Variants in CAMKK2 observed in about 807,000 individuals in gnomAD.
CAMKK2 encodes calcium/calmodulin-dependent protein kinase kinase 2.
CAMKK2 carries 30 observed loss-of-function variants against 67.2 expected under a neutral mutation model. That is an observed-to-expected ratio of 0.45 (90% CI 0.33 to 0.61). CAMKK2 has a LOEUF of 0.61. CAMKK2 is among the 20% of genes least tolerant of loss of function. The pLI is 0.02. For missense variants in CAMKK2, 643 were observed against 802.0 expected, an observed-to-expected ratio of 0.80 and a Z score of 2.39; for synonymous variants, 322 against 326.2, an observed-to-expected ratio of 0.99 and a Z score of 0.14.
In CAMKK2 at chr12:121,260,256, A is replaced by G. The variant is rs1034632067; in HGVS notation, c.796+63T>C. Reference sequence around the variant, plus strand: ...CCAGGGCACAGGCTGCCTCGAGAGGACCCCTGGGCATTGGCAGGTGTGGTG... The same window carrying G: ...CCAGGGCACAGGCTGCCTCGAGAGGGCCCCTGGGCATTGGCAGGTGTGGTG... On this transcript the variant is annotated intron_variant, in intron 7 of 16. Transcript: ENST00000404169. The G allele has an allele frequency of 5.0e-6, 7 of 1,399,296 alleles. No individual in the cohort carries two copies. The Admixed American group carries it at 1.6e-4, about 32-fold the overall frequency. 86.7% of individuals were successfully genotyped at this position (1,399,296 alleles called of 1,614,324 possible).
At chr12:121,273,652 G>A (rs1380089574) in intron 2 of CAMKK2, among the ~76,000 whole-genome samples, 1 of 152,130 alleles carries the variant, frequency 6.6e-6, no homozygotes, top group East Asian at 1.9e-4. Context: ...CAACTGCTCT[G>A]TCCACACCCA....
rs1029919372 is a variant in CAMKK2 at position 121,238,710 on chromosome 12, A to G, written c.*1989T>C. 2.0e-5 allele frequency: 3 copies of G among 152,492 alleles called. No individual in the cohort carries two copies. The highest frequency in any genetic ancestry group is 4.8e-5 in the African/African-American group (2 of 41,436). The allele number at this position is 152,492 out of a possible 1,614,324, so 9.4% of individuals were successfully genotyped here. A position where few individuals can be genotyped will look rare whatever the true frequency, so the allele number is the denominator to read the frequency against. ...GGCATTGTCTGATGCAGCTGTGTAA[A>G]CAAGAGAAGCCCTGCAGAAGCTCTA... On this transcript the variant is annotated 3_prime_UTR_variant, in exon 17 of 17. Transcript: ENST00000404169.
At chr12:121,255,292 ATATATATAATTT>A (rs1891848168) in intron 9 of CAMKK2, among the ~76,000 whole-genome samples, 6 of 19,582 alleles carry the variant, frequency 3.1e-4, no homozygotes, top group South Asian at 2.1e-3. Context: ...ATATATAATT[ATATATATAATTT>A]TATATATAAT....
At chr12:121,290,705 T>C (rs1010805057) in intron 1 of CAMKK2, among the ~76,000 whole-genome samples, 10 of 152,150 alleles carry the variant, frequency 6.6e-5, no homozygotes, top group African/African-American at 2.2e-4. Flanking sequence ...ACACAAAAAA[T>C]CATCGTAACT....
intron 7 of CAMKK2, among the ~76,000 whole-genome samples, chr12:121,260,082 C>CA (rs900242528): frequency 2.6e-5 from 4 of 151,804 alleles, no homozygotes; most frequent in African/African-American, 9.7e-5. Context: ...GACCCTGACT[C>CA]AAAAAAAATA....
chr12:121,297,552 T>G, upstream of CAMKK2: 1 of 511,994 alleles, frequency 2.0e-6, no homozygotes, highest in African/African-American at 1.9e-5. Flanking sequence ...GCTGGAGCCT[T>G]AAGTGTGCGT....
At chr12:121,246,145 G>C (rs756148041) in intron 14 of CAMKK2, among the ~76,000 whole-genome samples, 4 of 150,482 alleles carry the variant, frequency 2.7e-5, no homozygotes, top group Non-Finnish European at 5.9e-5. Flanking sequence ...AAAATGTTCA[G>C]AACTATTGAG....
chr12:121,276,966 G>C (rs1896949031), intron 1 of CAMKK2, among the ~76,000 whole-genome samples: 2 of 151,550 alleles, frequency 1.3e-5, no homozygotes, highest in African/African-American at 4.9e-5. Flanking sequence ...TTTTATGAAT[G>C]AATAAAATGG....
chr12:121,293,818 G>C lies in CAMKK2; in HGVS notation c.-60+2820C>G, dbSNP rs146980150. 1.7e-3 allele frequency among the ~76,000 whole-genome samples: 256 copies of C among 152,210 alleles called. 4 individuals are homozygous for C. The highest frequency in any genetic ancestry group is 1.7e-3 in the South Asian group (8 of 4,830). ...TCCCAGATTCACACCAGTCTGAGGA[G>C]ATTTCTCCAGAACCCTCAGTGCCCT... On this transcript the variant is annotated intron_variant, in intron 1 of 16. Coordinates refer to ENST00000404169, the MANE Select transcript of CAMKK2 (RefSeq NM_001270485.2).
intron 5 of CAMKK2, among the ~76,000 whole-genome samples, chr12:121,265,606 G>T (rs1486891127): frequency 1.3e-5 from 2 of 152,072 alleles, no homozygotes; most frequent in Admixed American, 1.3e-4. Context: ...CAGTGGCTCA[G>T]GCCTGTAATC....
chr12:121,254,105 CA>C (rs1891352932), intron 9 of CAMKK2, among the ~76,000 whole-genome samples: 1 of 152,156 alleles, frequency 6.6e-6, no homozygotes, highest in East Asian at 1.9e-4. Flanking sequence ...TTGTGTTTCA[CA>C]TTCACATTTT....
intron 6 of CAMKK2, 78 bp from the exon 7 acceptor site, chr12:121,260,433 G>T: frequency 7.2e-7 from 1 of 1,380,400 alleles, no homozygotes; most frequent in Admixed American, 1.9e-5. Flanking sequence ...GCAGGGAGGA[G>T]GCAGCATCCA....
At chr12:121,254,473 G>C (rs143822665) in intron 9 of CAMKK2, among the ~76,000 whole-genome samples, 274 of 151,978 alleles carry the variant, frequency 1.8e-3, no homozygotes, top group African/African-American at 6.2e-3. Context: ...AAAGAGCTAA[G>C]ATGTTTAACA....
At chr12:121,265,664 C>T (rs73405708) in intron 5 of CAMKK2, among the ~76,000 whole-genome samples, 3,089 of 152,002 alleles carry the variant, frequency 0.02, 100 homozygotes, top group African/African-American at 0.071. Flanking sequence ...GTCAGGAGAT[C>T]GAGACCATCC....
At chr12:121,273,412 C>G (rs1896147912) in intron 2 of CAMKK2, among the ~76,000 whole-genome samples, 1 of 152,060 alleles carries the variant, frequency 6.6e-6, no homozygotes, top group Non-Finnish European at 1.5e-5. Context: ...GGGAAAGGGT[C>G]AGACCACACA....
intron 2 of CAMKK2, among the ~76,000 whole-genome samples, chr12:121,272,829 C>T (rs559689906): frequency 6.6e-6 from 1 of 152,034 alleles, no homozygotes; most frequent in African/African-American, 2.4e-5. Context: ...GCCAAAATCA[C>T]GCAACTGCAC....
At chr12:121,276,897 C>T (rs201321439) in intron 1 of CAMKK2, among the ~76,000 whole-genome samples, 9 of 31,768 alleles carry the variant, frequency 2.8e-4, no homozygotes, top group South Asian at 7.3e-4. Context: ...AAAAAAAGGG[C>T]GGGGTGGGGG....
At chr12:121,271,025 A>T (rs1354640942) in intron 2 of CAMKK2, 80 bp from the exon 3 acceptor site, 4 of 1,158,268 alleles carry the variant, frequency 3.5e-6, no homozygotes, top group Middle Eastern at 1.9e-4. Context: ...CACACCTACA[A>T]GCCCTTCAGG....
intron 9 of CAMKK2, 75 bp downstream of exon 9, chr12:121,255,475 C>T: frequency 7.9e-7 from 1 of 1,258,848 alleles, no homozygotes; most frequent in Non-Finnish European, 1.1e-6. Context: ...GAAAATAAGA[C>T]ACTTTCCACT....
Sources: gnomAD v4.1 joint callset for allele counts (sites outside exome capture counted in the v4.1 genomes callset) on GRCh38, gnomAD v4.1.1 for gene constraint, MANE v1.5 for transcripts, NCBI Gene and HGNC (gene_info 2026-07-23, HGNC 2026-07-21) for gene names.